Variants in GLS observed in about 807,000 individuals in gnomAD.
GLS encodes glutaminase, also known as glutaminase kidney isoform, mitochondrial.
A neutral mutation model predicts 86.7 loss-of-function variants in GLS; 36 were observed. That is an observed-to-expected ratio of 0.42 (90% CI 0.32 to 0.55). The LOEUF (loss-of-function observed/expected upper bound fraction) is 0.55. Ranked by LOEUF, GLS falls within the 20% of genes least tolerant of loss-of-function variation. The pLI is 0.17. For missense variants in GLS, 528 were observed against 833.4 expected (o/e 0.63, Z 4.51); for synonymous variants, 317 against 305.9 (o/e 1.04, Z -0.38).
chr2:190,889,166 G>T (rs1286399351), intron 1 of GLS, among the ~76,000 whole-genome samples: 2 of 152,162 alleles, frequency 1.3e-5, no homozygotes, highest in East Asian at 3.8e-4. Context: ...TATATAAGCT[G>T]CCCGCAGATA....
rs1690337140 is a variant in GLS, at chr2:190,938,445, T to C, written c.1650+6808T>C. 1.3e-5 allele frequency among the ~76,000 whole-genome samples: 2 copies of C among 151,620 alleles called. No individual in the cohort carries two copies. The highest frequency in any genetic ancestry group is 6.6e-5 in the Admixed American group (1 of 15,222). On this transcript the variant is annotated intron_variant, in intron 14 of 17. Transcript: ENST00000320717. This position sits in a 1 kb window ranked among gnomAD's most constrained non-coding sequence, Gnocchi z 4.1. ...AAAACAGCCGAAGGCTTTCTTTTGT[T>C]TTTAAAACATAGTCCAACCTTTCTA...
chr2:190,939,326 C>T (rs966183143), intron 14 of GLS, among the ~76,000 whole-genome samples: 2 of 151,628 alleles, frequency 1.3e-5, no homozygotes, highest in Admixed American at 6.6e-5. Context: ...GCTTTGTTGA[C>T]TTACAAAATG....
In GLS at chr2:190,939,166, G is replaced by C. The variant is rs1690356064; in HGVS notation, c.1650+7529G>C. Among the ~76,000 whole-genome samples, 3 of 151,482 alleles carry C rather than the reference G, an allele frequency of 2.0e-5. No individual in the cohort carries two copies. In the South Asian group the frequency reaches 6.2e-4, roughly 31 times the overall value. On this transcript the variant is annotated intron_variant, in intron 14 of 17. Coordinates refer to ENST00000320717, the MANE Select transcript of GLS (RefSeq NM_014905.5). ...ATTTTAGACATTTGGATCTGTGAGT[G>C]GCCCCCAAGTTTCCTAATTTGTCTG...
At position 190,941,986 on chromosome 2, in the gene GLS, T is replaced by C. The variant is rs1690446889; in HGVS notation, c.1650+10349T>C. 2.0e-5 allele frequency among the ~76,000 whole-genome samples: 3 copies of C among 151,238 alleles called. No homozygotes were observed. In the South Asian group the frequency reaches 6.3e-4, roughly 32 times the overall value. ...TGTAGGTTGTCCTCAGGACACAGTT[T>C]GGGAGACATTTCTGAAAGGTCTTAT... is the stretch of plus-strand genomic sequence containing the variant. On this transcript the variant is annotated intron_variant, in intron 14 of 17. Coordinates refer to ENST00000320717, the MANE Select transcript of GLS (RefSeq NM_014905.5).
rs1043290617 is a variant in GLS at position 190,924,237 on chromosome 2, A to G, written c.1197+254A>G. Among the ~76,000 whole-genome samples the G allele has an allele frequency of 2.0e-5, 3 of 152,040 alleles. No homozygotes were observed. The highest frequency in any genetic ancestry group is 3.9e-4 in the East Asian group (2 of 5,194). ...ACAAATTTTGTTTGAGGTTTAGTCT[A>G]TTTTTTCAAAAGCATGATGCCTGAT... On this transcript the variant is annotated intron_variant, in intron 10 of 17. Transcript: ENST00000320717. This position sits in a 1 kb window ranked among gnomAD's most constrained non-coding sequence, Gnocchi z 5.2.
intron 5 of GLS, among the ~76,000 whole-genome samples, chr2:190,903,796 T>G (rs1689034946): frequency 6.6e-6 from 1 of 152,160 alleles, no homozygotes; most frequent in African/African-American, 2.4e-5. Context: ...AACTATATAG[T>G]TTAAGATTAT....
rs955133759 is a variant in GLS at position 190,933,673 on chromosome 2, A to C, written c.1650+2036A>C. 5 of 961,462 alleles carry C rather than the reference A, an allele frequency of 5.2e-6. No individual in the cohort carries two copies. The East Asian group carries it at 4.6e-4, about 88-fold the overall frequency. The allele number at this position is 961,462 out of a possible 1,614,324, so 59.6% of individuals were successfully genotyped here. A position where few individuals can be genotyped will look rare whatever the true frequency, so the allele number is the denominator to read the frequency against. ...CTTCAAGTGAATTGTTCACCTAAACAATTTTATTTTCATATTATCCACATA... is the reference window on the plus strand; with the variant it reads ...CTTCAAGTGAATTGTTCACCTAAACCATTTTATTTTCATATTATCCACATA... On this transcript the variant is annotated intron_variant, in intron 14 of 17. Coordinates refer to ENST00000320717, the MANE Select transcript of GLS (RefSeq NM_014905.5).
chr2:190,901,640 TAAA>T (rs879271802), intron 4 of GLS, among the ~76,000 whole-genome samples: 1 of 141,298 alleles, frequency 7.1e-6, no homozygotes, highest in African/African-American at 2.6e-5. Flanking sequence ...TTTTCCTGCT[TAAA>T]AAAAAAAAAA....
intron 1 of GLS, among the ~76,000 whole-genome samples, chr2:190,883,146 C>T (rs1371333280): frequency 3.3e-5 from 5 of 152,166 alleles, no homozygotes; most frequent in East Asian, 1.9e-4. Flanking sequence ...CTGTGATTCA[C>T]TTGTCCAGAA....
rs1308984928 is a variant in GLS, at chr2:190,964,824, G to A, written c.*1838G>A. On this transcript the variant is annotated 3_prime_UTR_variant, in exon 18 of 18. Transcript: ENST00000320717. The surrounding 1 kb of genome is among the most constrained non-coding windows in gnomAD (Gnocchi z 5.2). ...GATAACTTTATTCAAAGAGCAGCCC[G>A]CTTTGTGTGACTAAAATGAAACAAG... 10 of 152,174 alleles carry A rather than the reference G, an allele frequency of 6.6e-5. No individual in the cohort carries two copies. Among genetic ancestry groups the A allele is most frequent in the African/African-American group, 1.7e-4 (7 of 41,446 alleles). 9.4% of individuals were successfully genotyped at this position (152,174 alleles called of 1,614,324 possible).
chr2:190,899,896 A>T (rs979136229), intron 3 of GLS, among the ~76,000 whole-genome samples: 1 of 152,098 alleles, frequency 6.6e-6, no homozygotes, highest in Non-Finnish European at 1.5e-5. Flanking sequence ...ATTCTGCATT[A>T]TATTTACATA....
At chr2:190,885,664 TC>T (rs1688353884) in intron 1 of GLS, among the ~76,000 whole-genome samples, 1 of 152,172 alleles carries the variant, frequency 6.6e-6, no homozygotes, top group Non-Finnish European at 1.5e-5. Flanking sequence ...GTTTTTATGA[TC>T]CTTCAGTATT....
At chr2:190,891,512 G>A (rs1688560300) in intron 1 of GLS, among the ~76,000 whole-genome samples, 1 of 151,938 alleles carries the variant, frequency 6.6e-6, no homozygotes, top group Admixed American at 6.6e-5. Context: ...AGGTCATTGA[G>A]TCTAGTCAAT....
At chr2:190,959,203 T>G (rs558556611) in intron 17 of GLS, among the ~76,000 whole-genome samples, 1 of 152,264 alleles carries the variant, frequency 6.6e-6, no homozygotes, top group Non-Finnish European at 1.5e-5. Flanking sequence ...CTTTGTCGGT[T>G]TAAAGTCTGT....
chr2:190,954,492 C>A lies in GLS; in HGVS notation c.1713-92C>A. The stretch of plus-strand genomic sequence containing the variant: ...GAGCTTGATGAAGGATGGCACCTGA[C>A]AGGGCCTTAAATGAACTGATGGAGT... On this transcript the variant is annotated intron_variant, in intron 15 of 17. Transcript: ENST00000320717. The surrounding 1 kb of genome is among the most constrained non-coding windows in gnomAD (Gnocchi z 4.0). 1 of 785,314 alleles carries A rather than the reference C, an allele frequency of 1.3e-6. No individual in the cohort carries two copies. Among genetic ancestry groups the A allele is most frequent in the Non-Finnish European group, 2.1e-6 (1 of 476,688 alleles). 48.6% of individuals were successfully genotyped at this position (785,314 alleles called of 1,614,324 possible). A position where few individuals can be genotyped will look rare whatever the true frequency, so the allele number is the denominator to read the frequency against.
chr2:190,956,082 C>T lies in GLS; in HGVS notation c.1853+1264C>T, dbSNP rs1203882807. ...CCCATTCTGTAGGTTGCCTGTTCGCCCTGATGATAGTTTCTTTTGCTGTGC... is the reference window on the plus strand; with the variant it reads ...CCCATTCTGTAGGTTGCCTGTTCGCTCTGATGATAGTTTCTTTTGCTGTGC... On this transcript the variant is annotated intron_variant, in intron 17 of 17. Coordinates refer to ENST00000320717, the MANE Select transcript of GLS (RefSeq NM_014905.5). The surrounding 1 kb of genome is among the most constrained non-coding windows in gnomAD (Gnocchi z 4.2). Among the ~76,000 whole-genome samples the T allele has an allele frequency of 1.3e-5, 2 of 151,930 alleles. No homozygotes were observed. Among genetic ancestry groups the T allele is most frequent in the South Asian group, 2.1e-4 (1 of 4,818 alleles).
intron 12 of GLS, among the ~76,000 whole-genome samples, chr2:190,928,908 T>TC (rs1410830184): frequency 7.5e-6 from 1 of 132,852 alleles, no homozygotes; most frequent in Non-Finnish European, 1.6e-5. Context: ...TTTTTTTTTT[T>TC]TTTTTTTTGG....
intron 14 of GLS, among the ~76,000 whole-genome samples, chr2:190,952,706 T>C (rs984862314): frequency 1.3e-5 from 2 of 152,176 alleles, no homozygotes; most frequent in African/African-American, 2.4e-5. Flanking sequence ...AGTTGAGTCA[T>C]CAATATGAAT....
Position 190,895,948 on chromosome 2 carries a change from G to A in GLS, c.605+223G>A, listed in dbSNP as rs1041482446. ...TCTGTTCTAAGCAAATTTAGCCACC[G>A]ATGTTTCCAGTTTACAGTACTTGGA... On this transcript the variant is annotated intron_variant, in intron 3 of 17. Coordinates refer to ENST00000320717, the MANE Select transcript of GLS (RefSeq NM_014905.5). The surrounding 1 kb of genome is among the most constrained non-coding windows in gnomAD (Gnocchi z 4.2). 3 of 303,820 alleles carry A rather than the reference G, an allele frequency of 9.9e-6. No individual in the cohort carries two copies. The highest frequency in any genetic ancestry group is 1.9e-5 in the Non-Finnish European group (3 of 160,512). 18.8% of individuals were successfully genotyped at this position (303,820 alleles called of 1,614,324 possible). A position where few individuals can be genotyped will look rare whatever the true frequency, so the allele number is the denominator to read the frequency against.
Sources: allele counts gnomAD v4.1 joint callset (sites outside exome capture counted in the v4.1 genomes callset), GRCh38; gene constraint gnomAD v4.1.1; non-coding constraint Gnocchi (gnomAD v3.1); transcripts MANE v1.5; gene names NCBI Gene and HGNC (gene_info 2026-07-23, HGNC 2026-07-21).